Variants in STARD13 observed in about 807,000 individuals in gnomAD.
The protein encoded by STARD13 is StAR related lipid transfer domain containing 13.
A neutral mutation model predicts 106.4 loss-of-function variants in STARD13; 62 were observed. The observed-to-expected ratio is 0.58, with a 90% CI of 0.48 to 0.72. The LOEUF is 0.72. Among genes scored for constraint, STARD13 ranks in the 30% least tolerant of loss-of-function variants. The pLI, the probability that STARD13 is intolerant of heterozygous loss-of-function variation, is 0.00. For synonymous variants in STARD13, 565 were observed against 553.0 expected (o/e 1.02, Z -0.31); for missense variants, 1,387 against 1,424.0 (o/e 0.97, Z 0.42).
chr13:33,275,061 A>G (rs1891352972), intron 1 of STARD13, among the ~76,000 whole-genome samples: 1 of 152,098 alleles, frequency 6.6e-6, no homozygotes, highest in Non-Finnish European at 1.5e-5. Context: ...GGGCTTTACT[A>G]TTTATCTATA....
intron 1 of STARD13, among the ~76,000 whole-genome samples, chr13:33,203,644 C>CAA (rs1887207175): frequency 6.6e-6 from 1 of 151,958 alleles, no homozygotes; most frequent in African/African-American, 2.4e-5. Flanking sequence ...TAGTCTTACA[C>CAA]AATGCTGAGA....
the STARD13 span, among the ~76,000 whole-genome samples, chr13:33,603,024 T>C: frequency 2.6e-5 from 4 of 152,330 alleles, no homozygotes; most frequent in East Asian, 7.7e-4. Context: ...TTGAAACTTA[T>C]ATTTGTTTTA....
chr13:33,402,585 A>G, the STARD13 span, among the ~76,000 whole-genome samples: 1 of 152,188 alleles, frequency 6.6e-6, no homozygotes, highest in East Asian at 1.9e-4. Flanking sequence ...TCTGTGCCCA[A>G]AAAGATGCCT....
At chr13:33,338,717 T>C (rs539090618) in intron 1 of STARD13, among the ~76,000 whole-genome samples, 1 of 151,798 alleles carries the variant, frequency 6.6e-6, no homozygotes, top group Non-Finnish European at 1.5e-5. Context: ...ACCCTGTCTC[T>C]ACTAAAAATA....
chr13:33,216,735 T>C lies in STARD13; in HGVS notation c.170-49113A>G, dbSNP rs551200975. ...TGGCAATAAAAAATTTAAATAAATA[T>C]ATGGTTGGTAACATTTGACCATATG... On this transcript the variant is annotated intron_variant, in intron 1 of 13. Transcript: ENST00000336934. 2.3e-3 allele frequency among the ~76,000 whole-genome samples: 348 copies of C among 152,264 alleles called. 2 individuals carry two copies. The highest frequency in any genetic ancestry group is 7.9e-3 in the African/African-American group (329 of 41,572).
chr13:33,466,246 C>T, the STARD13 span, among the ~76,000 whole-genome samples: 1 of 152,268 alleles, frequency 6.6e-6, no homozygotes, highest in African/African-American at 2.4e-5. Flanking sequence ...TTTAAATCAA[C>T]TTTGCTGAGG....
chr13:33,478,161 A>T, the STARD13 span, among the ~76,000 whole-genome samples: 64 of 152,258 alleles, frequency 4.2e-4, no homozygotes, highest in Non-Finnish European at 6.5e-4. Context: ...GGGGAGATGG[A>T]TCTGAGACTG....
At chr13:33,585,888 C>G in the STARD13 span, among the ~76,000 whole-genome samples, 51 of 152,136 alleles carry the variant, frequency 3.4e-4, 1 homozygote, top group Middle Eastern at 0.01. Context: ...GAGTAGGCAA[C>G]TTTGTGTACA....
Position 33,130,934 on chromosome 13 carries a change from G to A in STARD13, c.388-645C>T, listed in dbSNP as rs1277057068. On this transcript the variant is annotated intron_variant, in intron 4 of 13. Coordinates refer to ENST00000336934, the MANE Select transcript of STARD13 (RefSeq NM_178006.4). The surrounding 1 kb of genome is among the most constrained non-coding windows in gnomAD (Gnocchi z 4.1). The stretch of plus-strand genomic sequence containing the variant: ...GATCCAATCCGGCTACTCTGCATGA[G>A]CGTCTTTTTCTGTGGAATCAACTCC... Among the ~76,000 whole-genome samples, 3 of 152,206 alleles carry A rather than the reference G, an allele frequency of 2.0e-5. No individual in the cohort carries two copies. The highest frequency in any genetic ancestry group is 2.9e-5 in the Non-Finnish European group (2 of 68,046).
At chr13:33,195,183 C>T (rs1187295320) in intron 1 of STARD13, among the ~76,000 whole-genome samples, 4 of 152,166 alleles carry the variant, frequency 2.6e-5, no homozygotes, top group Admixed American at 2.0e-4. Context: ...GCCTAATCTG[C>T]CACTACTTTG....
the STARD13 span, among the ~76,000 whole-genome samples, chr13:33,604,258 G>A: frequency 1.3e-5 from 2 of 152,150 alleles, no homozygotes; most frequent in South Asian, 2.1e-4. Context: ...GAAATGATAA[G>A]GATCTGAGAG....
intron 1 of STARD13, among the ~76,000 whole-genome samples, chr13:33,209,978 C>T (rs188764487): frequency 2.6e-5 from 4 of 152,212 alleles, no homozygotes; most frequent in Non-Finnish European, 5.9e-5. Context: ...TCTTGAAAAA[C>T]AAACAAACAA....
rs747907853 is a variant in STARD13, at chr13:33,118,229, C to A, written c.2117G>T (p.Arg706Leu). The A allele has an allele frequency of 1.2e-6, 2 of 1,614,096 alleles. No homozygotes were observed. The highest frequency in any genetic ancestry group is 2.2e-5 in the South Asian group (2 of 91,070). The change falls in exon 8 of 14, where the codon CGA becomes CTA. Residue 706 changes from arginine (R) to leucine (L), a missense_variant. Transcript: ENST00000336934. ...GLFRKSGVKS[R>L]IHALRQMNEN... ...ATTCATTTGGCGAAGGGCATGGATT[C>A]GAGACTTCACTCCTGATTTGCGAAA...
At chr13:33,115,360 C>A (rs908351493) in intron 8 of STARD13, among the ~76,000 whole-genome samples, 6 of 152,174 alleles carry the variant, frequency 3.9e-5, no homozygotes, top group Admixed American at 1.3e-4. Flanking sequence ...GAAGTCCCTG[C>A]AGGTAATTTG....
chr13:33,222,871 G>A (rs528679318), intron 1 of STARD13, among the ~76,000 whole-genome samples: 7 of 152,322 alleles, frequency 4.6e-5, no homozygotes, highest in Admixed American at 6.5e-5. Flanking sequence ...ACATGTCCTC[G>A]TGACTAACTG....
At chr13:33,404,438 T>C in the STARD13 span, among the ~76,000 whole-genome samples, 1 of 152,226 alleles carries the variant, frequency 6.6e-6, no homozygotes. Context: ...TCAAGGGCCT[T>C]AAACAGAAAT....
the STARD13 span, among the ~76,000 whole-genome samples, chr13:33,602,381 A>G: frequency 6.6e-6 from 1 of 152,162 alleles, no homozygotes; most frequent in African/African-American, 2.4e-5. Flanking sequence ...GTGAGCCACC[A>G]AAACACCTAG....
At chr13:33,609,105 A>AAAAAAAG in the STARD13 span, among the ~76,000 whole-genome samples, 47 of 133,176 alleles carry the variant, frequency 3.5e-4, 3 homozygotes, top group African/African-American at 1.2e-3. Context: ...AAAAAAAAAA[A>AAAAAAAG]AAATATTGAT....
At chr13:33,180,924 T>A (rs1479229248) in intron 1 of STARD13, among the ~76,000 whole-genome samples, 1 of 152,202 alleles carries the variant, frequency 6.6e-6, no homozygotes, top group Non-Finnish European at 1.5e-5. Context: ...GACACATAAT[T>A]TTTTAAAAAA....
Sources: gnomAD v4.1 joint callset for allele counts (sites outside exome capture counted in the v4.1 genomes callset) on GRCh38, gnomAD v4.1.1 for gene constraint, Gnocchi (gnomAD v3.1) non-coding constraint, MANE v1.5 for transcripts, NCBI Gene and HGNC (gene_info 2026-07-23, HGNC 2026-07-21) for gene names.